Variants in EEA1 observed in about 807,000 individuals in gnomAD.
EEA1 encodes early endosome antigen 1, 162kD.
Under a neutral mutation model 209.2 loss-of-function variants are expected in EEA1, and 111 were observed. The observed-to-expected ratio is 0.53, with a 90% CI of 0.45 to 0.62. EEA1 has a LOEUF of 0.62. EEA1 is among the 20% of genes least tolerant of loss of function. The pLI is 0.00. For missense variants in EEA1, 1,343 were observed against 1,530.8 expected, an observed-to-expected ratio of 0.88 and a Z score of 2.05; for synonymous variants, 536 against 540.6, an observed-to-expected ratio of 0.99 and a Z score of 0.12.
rs939077730 is a variant in EEA1, at chr12:92,777,249, G to A, written c.4014+294C>T. ...GTGACTCTGAGAATATACTCAGATCGCTTCTTTAACACATACTGACTCATA... is the reference window on the plus strand; with the variant it reads ...GTGACTCTGAGAATATACTCAGATCACTTCTTTAACACATACTGACTCATA... On this transcript the variant is annotated intron_variant, in intron 27 of 28. Transcript: ENST00000322349. 7.9e-5 allele frequency among the ~76,000 whole-genome samples: 12 copies of A among 151,830 alleles called. No individual in the cohort carries two copies. The South Asian group carries it at 1.7e-3, about 21-fold the overall frequency.
intron 12 of EEA1, among the ~76,000 whole-genome samples, chr12:92,826,545 TA>T (rs533887217): frequency 8.8e-4 from 127 of 144,238 alleles, no homozygotes; most frequent in Middle Eastern, 3.6e-3. Flanking sequence ...CTGTCTCTAC[TA>T]AAAAAAAAAA....
chr12:92,811,232 C>T (rs1244562253), intron 17 of EEA1, 47 bp downstream of exon 17: 2 of 1,259,670 alleles, frequency 1.6e-6, no homozygotes, highest in African/African-American at 3.1e-5. Context: ...GATTCCATTG[C>T]TACTGAAGTA....
At chr12:92,882,111 T>C (rs1879172782) in intron 2 of EEA1, among the ~76,000 whole-genome samples, 1 of 152,224 alleles carries the variant, frequency 6.6e-6, no homozygotes, top group East Asian at 1.9e-4. Flanking sequence ...ATATGATTTT[T>C]CTTTTTTTTT....
chr12:92,894,511 G>A (rs1879786417), intron 1 of EEA1, among the ~76,000 whole-genome samples: 1 of 151,998 alleles, frequency 6.6e-6, no homozygotes. Flanking sequence ...TGCTACTCCA[G>A]TGAACACACA....
chr12:92,867,645 A>T (rs1878460670), intron 2 of EEA1, among the ~76,000 whole-genome samples: 1 of 152,230 alleles, frequency 6.6e-6, no homozygotes, highest in African/African-American at 2.4e-5. Flanking sequence ...TATGTGGCAG[A>T]ATCAAGGCTC....
At chr12:92,875,108 G>T (rs1372493573) in intron 2 of EEA1, among the ~76,000 whole-genome samples, 1 of 152,032 alleles carries the variant, frequency 6.6e-6, no homozygotes, top group Non-Finnish European at 1.5e-5. Flanking sequence ...ATAAGACAAG[G>T]TCTTCACCCT....
chr12:92,917,735 C>A (rs1168016897), intron 1 of EEA1, among the ~76,000 whole-genome samples: 1 of 131,896 alleles, frequency 7.6e-6, no homozygotes, highest in African/African-American at 2.9e-5. Context: ...ATCAAATTCA[C>A]ACATAACAAT....
intron 9 of EEA1, among the ~76,000 whole-genome samples, chr12:92,850,008 C>T (rs1877544526): frequency 6.6e-6 from 1 of 152,120 alleles, no homozygotes; most frequent in South Asian, 2.1e-4. Flanking sequence ...TATTATACAT[C>T]TTAGAGTTTA....
intron 21 of EEA1, among the ~76,000 whole-genome samples, chr12:92,790,492 G>C (rs7303519): frequency 0.015 from 2,283 of 152,266 alleles, 54 homozygotes; most frequent in African/African-American, 0.052. Context: ...ACATGCACAA[G>C]CTTCAACAGC....
intron 1 of EEA1, among the ~76,000 whole-genome samples, chr12:92,922,580 G>C (rs1203087929): frequency 6.6e-6 from 1 of 152,188 alleles, no homozygotes; most frequent in East Asian, 1.9e-4. Context: ...GGGCCAACAA[G>C]TAGTCAATAT....
chr12:92,823,278 A>G (rs1341528655), intron 13 of EEA1, among the ~76,000 whole-genome samples: 1 of 152,214 alleles, frequency 6.6e-6, no homozygotes, highest in East Asian at 1.9e-4. Flanking sequence ...CTTGAAATAT[A>G]AATGTCATGT....
chr12:92,794,735 G>GGGGGGGGGGC (rs985557084), intron 21 of EEA1, among the ~76,000 whole-genome samples: 1 of 147,714 alleles, frequency 6.8e-6, no homozygotes, highest in Non-Finnish European at 1.5e-5. Context: ...CTGTCGGGGG[G>GGGGGGGGGGC]TGGGGGGCTG....
chr12:92,885,205 G>A (rs1879327594), intron 2 of EEA1, among the ~76,000 whole-genome samples: 1 of 151,904 alleles, frequency 6.6e-6, no homozygotes, highest in South Asian at 2.1e-4. Context: ...TGCACAGGAG[G>A]TTGGCACTCA....
chr12:92,907,337 G>A (rs1226265908), intron 1 of EEA1, among the ~76,000 whole-genome samples: 2 of 152,324 alleles, frequency 1.3e-5, no homozygotes, highest in South Asian at 2.1e-4. Context: ...CACAAAGTCA[G>A]CTTATTCAAA....
At chr12:92,902,741 A>T (rs1341718484) in intron 1 of EEA1, among the ~76,000 whole-genome samples, 2 of 30,904 alleles carry the variant, frequency 6.5e-5, no homozygotes, top group Non-Finnish European at 2.1e-4. Flanking sequence ...ATTCTGTCTT[A>T]AAAAAAAAAA....
chr12:92,853,081 G>T, intron 6 of EEA1, 56 bp from the exon 7 acceptor site: 1 of 1,114,546 alleles, frequency 9.0e-7, no homozygotes, highest in Non-Finnish European at 1.3e-6. Context: ...ATGCTAAATT[G>T]TTATTACTTA....
At chr12:92,818,165 G>A (rs1403292205) in intron 14 of EEA1, among the ~76,000 whole-genome samples, 7 of 152,016 alleles carry the variant, frequency 4.6e-5, no homozygotes, top group African/African-American at 9.7e-5. Context: ...CTACAAATTC[G>A]ATCTGCCTTA....
At chr12:92,801,572 A>T in intron 20 of EEA1, 28 bp downstream of exon 20, 4 of 1,462,596 alleles carry the variant, frequency 2.7e-6, no homozygotes, top group Non-Finnish European at 3.7e-6. Context: ...TACTTTACAG[A>T]TTTTATGTTA....
rs201626769 is a variant in EEA1, at chr12:92,778,082, C to T, written c.3752G>A (p.Gly1251Asp). 3.3e-5 allele frequency: 53 copies of T among 1,613,242 alleles called. No individual in the cohort carries two copies. Among genetic ancestry groups the T allele is most frequent in the Non-Finnish European group, 4.3e-5 (51 of 1,179,518 alleles). ...MQITALNENL[G>D]TVKKEWQSSQ... ...AGATTGCCACTCCTTCTTCACAGTG[C>T]CTAAGTTTTCATTTAATGCTGTAAT... Residue 1251 changes from glycine (G) to aspartate (D), a missense_variant, in exon 26 of 29, where the codon GGC becomes GAC. Gly to Asp is a moderately conservative substitution (Grantham distance 94, BLOSUM62 -1). Around this residue, in one of 3 missense-constraint regions of EEA1, gnomAD observed 1,307 missense variants for 1,465.5 expected, o/e 0.89. Transcript: ENST00000322349.
Sources: allele counts gnomAD v4.1 joint callset (sites outside exome capture counted in the v4.1 genomes callset), GRCh38; gene constraint gnomAD v4.1.1; regional missense constraint gnomAD v4.1.1; transcripts MANE v1.5; gene names NCBI Gene and HGNC (gene_info 2026-07-23, HGNC 2026-07-21).